Variants in HMGCLL1 observed in about 807,000 individuals in gnomAD.
The protein encoded by HMGCLL1 is 3-hydroxy-3-methylglutaryl-CoA lyase like 1.
A neutral mutation model predicts 39.1 loss-of-function variants in HMGCLL1; 36 were observed. The ratio of observed to expected loss-of-function variants is 0.92; its 90% confidence interval spans 0.71 to 1.22. The LOEUF is 1.22. Among genes scored for constraint, HMGCLL1 ranks in the 50% most tolerant of loss-of-function variants. The pLI is 0.00. For missense variants in HMGCLL1, 451 were observed against 416.5 expected, an observed-to-expected ratio of 1.08 and a Z score of -0.72; for synonymous variants, 149 against 144.0, an observed-to-expected ratio of 1.03 and a Z score of -0.25.
the HMGCLL1 span, among the ~76,000 whole-genome samples, chr6:55,674,212 A>C: frequency 0.13 from 19,422 of 151,796 alleles, 1,368 homozygotes; most frequent in East Asian, 0.23. Flanking sequence ...AATCAATAGA[A>C]TATGGTGTCA....
At chr6:55,512,421 T>C (rs1042277681) in intron 5 of HMGCLL1, 1 of 152,138 alleles carries the variant, frequency 6.6e-6, no homozygotes, top group African/African-American at 2.4e-5. Context: ...CCTTTTTGAT[T>C]GTGGTTTTGT....
At chr6:55,468,202 G>A (rs1485376882) in intron 7 of HMGCLL1, among the ~76,000 whole-genome samples, 3 of 151,980 alleles carry the variant, frequency 2.0e-5, no homozygotes, top group Admixed American at 6.6e-5. Context: ...TCTGTCTAAC[G>A]ATGTATATTG....
chr6:55,636,193 A>G, the HMGCLL1 span, among the ~76,000 whole-genome samples: 1 of 152,188 alleles, frequency 6.6e-6, no homozygotes, highest in African/African-American at 2.4e-5. Flanking sequence ...AAAAGGGAAT[A>G]TAATTAAGGA....
intron 5 of HMGCLL1, among the ~76,000 whole-genome samples, chr6:55,505,401 A>G (rs980417884): frequency 6.6e-6 from 1 of 151,716 alleles, no homozygotes; most frequent in African/African-American, 2.4e-5. Flanking sequence ...ATCTATAAAC[A>G]TAGGAGCTAC....
the HMGCLL1 span, among the ~76,000 whole-genome samples, chr6:55,598,315 CAA>C: frequency 6.6e-6 from 1 of 151,856 alleles, no homozygotes; most frequent in African/African-American, 2.4e-5. Context: ...AAAAAAATTA[CAA>C]AAAAAATTAG....
chr6:55,553,632 A>C (rs1480772438), intron 1 of HMGCLL1, among the ~76,000 whole-genome samples: 1 of 152,144 alleles, frequency 6.6e-6, no homozygotes, highest in Admixed American at 6.5e-5. Flanking sequence ...TTAAATGAGA[A>C]TGTGTATATA....
At position 55,495,605 on chromosome 6, in the gene HMGCLL1, C is replaced by G; in HGVS notation, c.609G>C (p.Val203=). 6.3e-7 allele frequency: 1 copy of G among 1,589,568 alleles called. No homozygotes were observed. The highest frequency in any genetic ancestry group is 8.6e-7 in the Non-Finnish European group (1 of 1,168,062). Residue 203 remains valine (V), a splice_region_variant and synonymous_variant, in exon 7 of 9, where the codon GTG becomes GTC. Coordinates refer to ENST00000274901, the MANE Select transcript of HMGCLL1 (RefSeq NM_001042406.2). The part of the protein sequence containing the change: ...GSITPQKVTE[V]SKRLYGMGCY... ...AACCCATGCCGTACAATCTCTTAGA[C>G]ACCTGTTGATAAAGGTGAAGTGCTA...
At chr6:55,630,673 T>C in the HMGCLL1 span, among the ~76,000 whole-genome samples, 1 of 151,996 alleles carries the variant, frequency 6.6e-6, no homozygotes, top group Non-Finnish European at 1.5e-5. Flanking sequence ...TGGGGGCAGG[T>C]CTTTCCATGC....
chr6:55,439,016 G>T (rs1763483425), intron 8 of HMGCLL1, among the ~76,000 whole-genome samples: 1 of 151,878 alleles, frequency 6.6e-6, no homozygotes, highest in Admixed American at 6.6e-5. Context: ...AAGTGCCCTG[G>T]GAGTTCTTCC....
chr6:55,445,906 T>C (rs1289118197), intron 7 of HMGCLL1, among the ~76,000 whole-genome samples: 1 of 152,070 alleles, frequency 6.6e-6, no homozygotes, highest in Non-Finnish European at 1.5e-5. Context: ...AAACTGTAAA[T>C]AGTAAATAGT....
At chr6:55,471,715 T>A (rs756551191) in intron 7 of HMGCLL1, among the ~76,000 whole-genome samples, 4 of 151,574 alleles carry the variant, frequency 2.6e-5, no homozygotes, top group African/African-American at 9.7e-5. Flanking sequence ...GTTTATAATA[T>A]ACATATAGAG....
chr6:55,672,947 A>C, the HMGCLL1 span, among the ~76,000 whole-genome samples: 1 of 151,952 alleles, frequency 6.6e-6, no homozygotes, highest in Non-Finnish European at 1.5e-5. Context: ...TGTCAGGACT[A>C]AGATTTCTAA....
chr6:55,496,026 T>C (rs11961070), intron 6 of HMGCLL1, among the ~76,000 whole-genome samples: 4,433 of 152,196 alleles, frequency 0.029, 213 homozygotes, highest in African/African-American at 0.1. Context: ...GAGATCTTCA[T>C]TGCCCTTAAA....
chr6:55,498,326 T>C (rs1007931600), intron 6 of HMGCLL1, among the ~76,000 whole-genome samples: 5 of 152,112 alleles, frequency 3.3e-5, no homozygotes, highest in African/African-American at 4.8e-5. Flanking sequence ...AAAATCTGAA[T>C]TGTGTTATTT....
intron 7 of HMGCLL1, among the ~76,000 whole-genome samples, chr6:55,490,793 T>A (rs12528088): frequency 0.53 from 80,214 of 151,834 alleles, 21,434 homozygotes; most frequent in African/African-American, 0.63. Context: ...AAAGACAAAA[T>A]CTAATTGATC....
intron 1 of HMGCLL1, among the ~76,000 whole-genome samples, chr6:55,556,072 A>T (rs1448009795): frequency 6.6e-6 from 1 of 152,150 alleles, no homozygotes; most frequent in Non-Finnish European, 1.5e-5. Flanking sequence ...AGCAGCATCA[A>T]CTTACCTGTG....
At chr6:55,439,756 CAG>C (rs767340494) in intron 7 of HMGCLL1, 197 bp from the exon 8 acceptor site, 97 of 445,066 alleles carry the variant, frequency 2.2e-4, no homozygotes, top group Non-Finnish European at 3.5e-4. Context: ...TTGAGGCTAA[CAG>C]AAATTCTGCT....
chr6:55,659,851 T>C, the HMGCLL1 span, among the ~76,000 whole-genome samples: 1 of 151,900 alleles, frequency 6.6e-6, no homozygotes, highest in Non-Finnish European at 1.5e-5. Flanking sequence ...CCTTGAAATG[T>C]CAGTCTATAA....
At chr6:55,584,453 C>T in the HMGCLL1 span, among the ~76,000 whole-genome samples, 1 of 152,230 alleles carries the variant, frequency 6.6e-6, no homozygotes, top group South Asian at 2.1e-4. Flanking sequence ...CACCCTATCT[C>T]TTCTCTGTAT....
Sources: allele counts gnomAD v4.1 joint callset (sites outside exome capture counted in the v4.1 genomes callset), GRCh38; gene constraint gnomAD v4.1.1; transcripts MANE v1.5; gene names NCBI Gene and HGNC (gene_info 2026-07-23, HGNC 2026-07-21).